TLCD2: variants seen among roughly 807,000 people sequenced by gnomAD.
The protein encoded by TLCD2 is TLC domain containing 2.
A neutral mutation model predicts 14.0 loss-of-function variants in TLCD2; 12 were observed. The ratio of observed to expected loss-of-function variants is 0.86; its 90% confidence interval spans 0.55 to 1.39. TLCD2 has a LOEUF of 1.39. TLCD2 is among the 40% of genes most tolerant of loss of function. The probability of loss-of-function intolerance (pLI) is 0.00; values close to 1 mark genes in which losing one functional copy is unlikely to be tolerated. For missense variants in TLCD2, 360 were observed against 346.8 expected (o/e 1.04, Z -0.30); for synonymous variants, 166 against 156.5 (o/e 1.06, Z -0.45).
At chr17:1,708,557 G>A (rs1286558393) in intron 3 of TLCD2, among the ~76,000 whole-genome samples, 3 of 142,414 alleles carry the variant, frequency 2.1e-5, no homozygotes, top group African/African-American at 5.3e-5. Context: ...TGTGATCTTG[G>A]CTCACTGCAA....
intron 3 of TLCD2, 29 bp from the exon 4 acceptor site, chr17:1,708,251 A>T: frequency 6.8e-7 from 1 of 1,479,218 alleles, no homozygotes; most frequent in Non-Finnish European, 9.0e-7. Flanking sequence ...GGTCAGAGGA[A>T]CCCCATGACC....
Position 1,710,198 on chromosome 17 carries a change from C to A in TLCD2, c.45G>T (p.Ala15=). The A allele has an allele frequency of 6.5e-7, 1 of 1,528,206 alleles. No homozygotes were observed. 94.7% of individuals were successfully genotyped at this position (1,528,206 alleles called of 1,614,324 possible). The part of the protein sequence containing the change: ...GLLVAGASFL[A]FRGLHWGLRR... ...GCAACCCCCAGTGCAGCCCCCGGAA[C>A]GCGAGGAAGGAGGCGCCGGCCACCA... The change falls in exon 1 of 4, where the codon GCG becomes GCT. Residue 15 remains alanine, a synonymous_variant. Transcript: ENST00000330676. This position sits in a 1 kb window ranked among gnomAD's most constrained non-coding sequence, Gnocchi z 6.1.
At chr17:1,708,479 CTTTTTTTTTTT>C (rs70956738) in intron 3 of TLCD2, among the ~76,000 whole-genome samples, 2 of 47,844 alleles carry the variant, frequency 4.2e-5, no homozygotes, top group African/African-American at 1.4e-4. Context: ...GGCTTGCTTG[CTTTTTTTTTTT>C]TTTTTTTTTT....
rs1349544563 is a variant in TLCD2, at chr17:1,704,749, C to T, written c.*3021G>A. The T allele has an allele frequency of 6.6e-6, 1 of 151,426 alleles. No individual in the cohort carries two copies. Among genetic ancestry groups the T allele is most frequent in the Non-Finnish European group, 1.5e-5 (1 of 67,970 alleles). The allele number at this position is 151,426 out of a possible 1,614,324, so 9.4% of individuals were successfully genotyped here. ...ACGGAGTCTCACTCTGTCACCCCTG[C>T]TGGACTGCAGTGGCACTATCTCGGC... On this transcript the variant is annotated 3_prime_UTR_variant, in exon 4 of 4. Coordinates refer to ENST00000330676, the MANE Select transcript of TLCD2 (RefSeq NM_001164407.2).
At chr17:1,709,992 G>A (rs1417528092) in intron 1 of TLCD2, 75 bp downstream of exon 1, 2 of 1,512,144 alleles carry the variant, frequency 1.3e-6, no homozygotes, top group Non-Finnish European at 1.8e-6. Context: ...CTCTGGAGAC[G>A]CCCGGCGGGT....
intron 3 of TLCD2, among the ~76,000 whole-genome samples, 165 bp from the exon 4 acceptor site, chr17:1,708,387 C>T (rs993327008): frequency 6.6e-6 from 1 of 151,306 alleles, no homozygotes; most frequent in Non-Finnish European, 1.5e-5. Context: ...AGCCTTGAAA[C>T]AACCCTTCCA....
intron 2 of TLCD2, 87 bp downstream of exon 2, chr17:1,709,717 T>C: frequency 2.1e-6 from 2 of 974,512 alleles, no homozygotes; most frequent in Non-Finnish European, 1.4e-6. Flanking sequence ...TTAACCCCCA[T>C]GGGGGCGGGG....
rs1414889744 is a variant in TLCD2 at position 1,707,984 on chromosome 17, T to C, written c.581A>G (p.Gln194Arg). 6.5e-7 allele frequency: 1 copy of C among 1,537,246 alleles called. No individual in the cohort carries two copies. The stretch of plus-strand genomic sequence containing the variant: ...CAGGGTGACCAGAGCAAGAGGAACC[T>C]GGTGGTGCTGCCGGAACAGCCACAG... Reference protein sequence around the residue: ...MSLWLFRQHHQVPLALVTLGG... With the variant: ...MSLWLFRQHHRVPLALVTLGG... Residue 194 changes from glutamine (Q) to arginine (R), a missense_variant, in exon 4 of 4, where the codon CAG becomes CGG. Physicochemically the swap from Gln to Arg is conservative, Grantham distance 43 (BLOSUM62 1). Transcript: ENST00000330676.
rs371915631 is a variant in TLCD2 at position 1,704,279 on chromosome 17, G to A, written c.*3491C>T. ...AGAAAAAAGAAAATTTTTTTTTTTT[G>A]TAGAGAGGAGGTCTCAATATGTTGC... On this transcript the variant is annotated 3_prime_UTR_variant, in exon 4 of 4. Transcript: ENST00000330676. 5.9e-5 allele frequency: 5 copies of A among 85,094 alleles called. No individual in the cohort carries two copies. The East Asian group carries it at 1.6e-3, about 26-fold the overall frequency. 5.3% of individuals were successfully genotyped at this position (85,094 alleles called of 1,614,324 possible). A position where few individuals can be genotyped will look rare whatever the true frequency, so the allele number is the denominator to read the frequency against.
In TLCD2 at chr17:1,709,954, C is replaced by T. The variant is rs894245100; in HGVS notation, c.177-68G>A. 3.4e-5 allele frequency: 52 copies of T among 1,511,024 alleles called. No homozygotes were observed. The African/African-American group carries it at 6.6e-4, about 19-fold the overall frequency. The allele number at this position is 1,511,024 out of a possible 1,614,324, so 93.6% of individuals were successfully genotyped here. ...CTCTCGAGGCCCCGGCCGCAGTCTC[C>T]CTGTGCGCACCCCCACCCCAGTCTC... is the stretch of plus-strand genomic sequence containing the variant. On this transcript the variant is annotated intron_variant, in intron 1 of 3. Coordinates refer to ENST00000330676, the MANE Select transcript of TLCD2 (RefSeq NM_001164407.2).
chr17:1,709,892 G>T lies in TLCD2; in HGVS notation c.177-6C>A. On this transcript the variant is annotated splice_polypyrimidine_tract_variant and splice_region_variant and intron_variant, in intron 1 of 3. Coordinates refer to ENST00000330676, the MANE Select transcript of TLCD2 (RefSeq NM_001164407.2). ...TCTGAGGGTACAGTGACAGGCTGGGGGCATGGGGTGGGGACATGGGGGGGG... is the reference window on the plus strand; with the variant it reads ...TCTGAGGGTACAGTGACAGGCTGGGTGCATGGGGTGGGGACATGGGGGGGG... 1 of 1,521,890 alleles carries T rather than the reference G, an allele frequency of 6.6e-7. No individual in the cohort carries two copies. Among genetic ancestry groups the T allele is most frequent in the Non-Finnish European group, 8.8e-7 (1 of 1,139,048 alleles). 94.3% of individuals were successfully genotyped at this position (1,521,890 alleles called of 1,614,324 possible). A position where few individuals can be genotyped will look rare whatever the true frequency, so the allele number is the denominator to read the frequency against.
Position 1,703,875 on chromosome 17 carries a change from C to T in TLCD2, c.*3895G>A, listed in dbSNP as rs1913948517. ...CAGACAACATTTTTGTTAATCAAGG[C>T]ATTCAGTTAAGATGGCAAATTGAGT... On this transcript the variant is annotated 3_prime_UTR_variant, in exon 4 of 4. Coordinates refer to ENST00000330676, the MANE Select transcript of TLCD2 (RefSeq NM_001164407.2). 6.6e-6 allele frequency: 1 copy of T among 151,934 alleles called. No individual in the cohort carries two copies. Among genetic ancestry groups the T allele is most frequent in the African/African-American group, 2.4e-5 (1 of 41,388 alleles). The allele number at this position is 151,934 out of a possible 1,614,324, so 9.4% of individuals were successfully genotyped here.
rs1913972531 is a variant in TLCD2 at position 1,704,603 on chromosome 17, A to G, written c.*3167T>C. The G allele has an allele frequency of 6.6e-6, 1 of 151,524 alleles. No individual in the cohort carries two copies. Among genetic ancestry groups the G allele is most frequent in the Non-Finnish European group, 1.5e-5 (1 of 67,946 alleles). The allele number at this position is 151,524 out of a possible 1,614,324, so 9.4% of individuals were successfully genotyped here. A position where few individuals can be genotyped will look rare whatever the true frequency, so the allele number is the denominator to read the frequency against. On this transcript the variant is annotated 3_prime_UTR_variant, in exon 4 of 4. Coordinates refer to ENST00000330676, the MANE Select transcript of TLCD2 (RefSeq NM_001164407.2). ...CCTTTGCGCCTGTTTTTATGACTCT[A>G]TGATGGAGACTTCTCACAATCCCTC...
chr17:1,709,189 G>C (rs543558629), intron 3 of TLCD2, among the ~76,000 whole-genome samples: 2 of 152,180 alleles, frequency 1.3e-5, no homozygotes, highest in East Asian at 3.9e-4. Flanking sequence ...AGAAGTTCGA[G>C]ACCAGCCTGG....
chr17:1,708,407 C>G (rs533561149), intron 3 of TLCD2, among the ~76,000 whole-genome samples, 185 bp from the exon 4 acceptor site: 1 of 151,492 alleles, frequency 6.6e-6, no homozygotes, highest in Non-Finnish European at 1.5e-5. Flanking sequence ...ATAGATGGAA[C>G]CAGGCTTGGC....
In TLCD2 at chr17:1,706,788, AAAAAG is replaced by A. The variant is rs1914047732; in HGVS notation, c.*977_*981del. The A allele has an allele frequency of 1.3e-5, 2 of 151,556 alleles. No individual in the cohort carries two copies. The highest frequency in any genetic ancestry group is 1.5e-5 in the Non-Finnish European group (1 of 68,174). 9.4% of individuals were successfully genotyped at this position (151,556 alleles called of 1,614,324 possible). On this transcript the variant is annotated 3_prime_UTR_variant, in exon 4 of 4. Transcript: ENST00000330676. ...GAACTTGTCTCAAAAAAAAAAAAAA[AAAAAG>A]AAAAGAAAAAAGAAAAGTCAAAAGA... is the stretch of plus-strand genomic sequence containing the variant.
chr17:1,709,388 T>TA, intron 3 of TLCD2, 111 bp downstream of exon 3: 1 of 622,490 alleles, frequency 1.6e-6, no homozygotes, highest in South Asian at 2.0e-5. Flanking sequence ...AGACTCCGTC[T>TA]CAAAAAAAAA....
chr17:1,707,851 A>G lies in TLCD2; in HGVS notation c.714T>C (p.His238=), dbSNP rs1401078369. 6.5e-7 allele frequency: 1 copy of G among 1,535,018 alleles called. No individual in the cohort carries two copies. Among genetic ancestry groups the G allele is most frequent in the Non-Finnish European group, 8.7e-7 (1 of 1,145,228 alleles). Residue 238 remains histidine (H), a synonymous_variant, in exon 4 of 4, where the codon CAT becomes CAC. Transcript: ENST00000330676. ...QSRPHPPSPG[H]EKTRGTRTRR... Reference sequence around the variant, plus strand: ...GTGTCCTGGTCCCCCTGGTTTTCTCATGGCCAGGGCTGGGTGGATGGGGTC... The same window carrying G: ...GTGTCCTGGTCCCCCTGGTTTTCTCGTGGCCAGGGCTGGGTGGATGGGGTC...
chr17:1,707,646 G>T lies in TLCD2; in HGVS notation c.*124C>A. On this transcript the variant is annotated 3_prime_UTR_variant, in exon 4 of 4. Transcript: ENST00000330676. The stretch of plus-strand genomic sequence containing the variant: ...GAAGGGGAAGGGATGTGAGTTAGCT[G>T]GAAGAGAAACTGAGATTCTGATGAG... The T allele has an allele frequency of 1.3e-6, 1 of 754,102 alleles. No homozygotes were observed. Among genetic ancestry groups the T allele is most frequent in the Non-Finnish European group, 2.0e-6 (1 of 495,038 alleles). The allele number at this position is 754,102 out of a possible 1,614,324, so 46.7% of individuals were successfully genotyped here.
Sources: allele counts gnomAD v4.1 joint callset (sites outside exome capture counted in the v4.1 genomes callset), GRCh38; gene constraint gnomAD v4.1.1; non-coding constraint Gnocchi (gnomAD v3.1); transcripts MANE v1.5; gene names NCBI Gene and HGNC (gene_info 2026-07-23, HGNC 2026-07-21).